DTD1: variants seen among roughly 807,000 people sequenced by gnomAD.
DTD1 encodes D-aminoacyl-tRNA deacylase 1.
In DTD1, 13 loss-of-function variants were observed where a neutral mutation model predicts 25.6. That is an observed-to-expected ratio of 0.51 (90% CI 0.33 to 0.81). DTD1 has a LOEUF of 0.81. DTD1 is among the 30% of genes least tolerant of loss of function. DTD1 has a pLI of 0.02. For synonymous variants in DTD1, 110 were observed against 103.6 expected (o/e 1.06, Z -0.37); for missense variants, 193 against 266.4 (o/e 0.72, Z 1.92).
chr20:18,614,132 C>A (rs1200877642), intron 3 of DTD1, among the ~76,000 whole-genome samples: 1 of 152,178 alleles, frequency 6.6e-6, no homozygotes, highest in East Asian at 1.9e-4. Flanking sequence ...CTCTCTGAGC[C>A]TCTTCTTCTA....
intron 3 of DTD1, among the ~76,000 whole-genome samples, chr20:18,620,994 A>G (rs1337757755): frequency 2.0e-5 from 3 of 152,270 alleles, no homozygotes; most frequent in Admixed American, 2.0e-4. Context: ...TAGTACAGTT[A>G]TCAAAATGAG....
intron 4 of DTD1, among the ~76,000 whole-genome samples, chr20:18,706,036 G>T (rs2061125196): frequency 6.6e-6 from 1 of 152,208 alleles, no homozygotes; most frequent in African/African-American, 2.4e-5. Context: ...TTTTCACTCA[G>T]ATTTGGATAA....
At chr20:18,751,592 A>G (rs977780434) in intron 5 of DTD1, among the ~76,000 whole-genome samples, 8 of 152,018 alleles carry the variant, frequency 5.3e-5, no homozygotes, top group Middle Eastern at 3.4e-3. Flanking sequence ...TCCCAGGTTC[A>G]AGCGATTCTT....
chr20:18,684,486 C>T (rs2061009182), intron 4 of DTD1, among the ~76,000 whole-genome samples: 2 of 152,082 alleles, frequency 1.3e-5, no homozygotes, highest in African/African-American at 2.4e-5. Context: ...GGGGTTTCAT[C>T]GTGTTGGCTA....
intron 4 of DTD1, among the ~76,000 whole-genome samples, chr20:18,700,890 A>G (rs538164489): frequency 6.6e-6 from 1 of 152,200 alleles, no homozygotes; most frequent in Non-Finnish European, 1.5e-5. Context: ...CTGTAAAATT[A>G]CTTTATGTAC....
intron 3 of DTD1, among the ~76,000 whole-genome samples, chr20:18,601,404 C>A (rs986079879): frequency 6.7e-6 from 1 of 150,136 alleles, no homozygotes; most frequent in African/African-American, 2.5e-5. Flanking sequence ...GAGGCTGAGG[C>A]AGGAGTATCG....
chr20:18,733,318 G>A (rs575166724), intron 4 of DTD1, among the ~76,000 whole-genome samples: 4 of 152,360 alleles, frequency 2.6e-5, no homozygotes, highest in South Asian at 2.1e-4. Context: ...TGGCCACAGG[G>A]TGTCCTTAAG....
intron 4 of DTD1, among the ~76,000 whole-genome samples, chr20:18,726,274 G>C (rs555670587): frequency 6.6e-6 from 1 of 152,226 alleles, no homozygotes; most frequent in Admixed American, 6.5e-5. Context: ...TTCAGGCTTC[G>C]TCAAGTGCAT....
chr20:18,652,718 C>T (rs763820296), intron 4 of DTD1, among the ~76,000 whole-genome samples: 7 of 152,158 alleles, frequency 4.6e-5, no homozygotes, highest in Non-Finnish European at 1.0e-4. Flanking sequence ...TCAACTCCAG[C>T]TTGTAGACCT....
intron 4 of DTD1, among the ~76,000 whole-genome samples, chr20:18,662,029 G>A (rs772190978): frequency 2.0e-5 from 3 of 152,124 alleles, no homozygotes; most frequent in Non-Finnish European, 4.4e-5. Flanking sequence ...GTACAAGTCT[G>A]TAGTCCTAGC....
intron 5 of DTD1, among the ~76,000 whole-genome samples, chr20:18,755,333 A>G (rs1457155622): frequency 1.3e-5 from 2 of 152,164 alleles, no homozygotes; most frequent in African/African-American, 4.8e-5. Context: ...GGTTTGTTAC[A>G]TATGTATACA....
At chr20:18,711,357 C>T (rs1232574211) in intron 4 of DTD1, among the ~76,000 whole-genome samples, 1 of 152,162 alleles carries the variant, frequency 6.6e-6, no homozygotes, top group African/African-American at 2.4e-5. Context: ...CTCAGGAAGT[C>T]CTCCAGCCTC....
At chr20:18,740,678 T>C (rs2061274384) in intron 4 of DTD1, among the ~76,000 whole-genome samples, 1 of 152,236 alleles carries the variant, frequency 6.6e-6, no homozygotes, top group Admixed American at 6.5e-5. Flanking sequence ...TTTTTTAAAT[T>C]ATAGTAAAAT....
In DTD1 at chr20:18,653,556, G is replaced by A. The variant is rs570327503; in HGVS notation, c.477+25323G>A. On this transcript the variant is annotated intron_variant, in intron 4 of 5. Coordinates refer to ENST00000377452, the MANE Select transcript of DTD1 (RefSeq NM_080820.6). ...ATTCAAATAATTTTTACTTATTAGT[G>A]GCTTATAATTACTGTGAAAGGTGTA... Among the ~76,000 whole-genome samples, 5 of 152,276 alleles carry A rather than the reference G, an allele frequency of 3.3e-5. No homozygotes were observed. The South Asian group carries it at 1.0e-3, about 32-fold the overall frequency.
chr20:18,748,728 A>G (rs926966962), intron 5 of DTD1, among the ~76,000 whole-genome samples: 3 of 152,168 alleles, frequency 2.0e-5, no homozygotes, highest in African/African-American at 7.2e-5. Flanking sequence ...GGGAATTCTC[A>G]TGGACTCGTA....
chr20:18,763,122 T>C (rs2061369216), intron 5 of DTD1, among the ~76,000 whole-genome samples: 1 of 152,200 alleles, frequency 6.6e-6, no homozygotes. Context: ...CCTTGGTGTC[T>C]TTTGCTCTAA....
chr20:18,608,941 CCTTTT>C (rs1297010895), intron 3 of DTD1, among the ~76,000 whole-genome samples: 1 of 152,066 alleles, frequency 6.6e-6, no homozygotes, highest in African/African-American at 2.4e-5. Context: ...CATATTTTAC[CCTTTT>C]CTTCAAGGTT....
chr20:18,757,768 G>GGAT (rs1367370697), intron 5 of DTD1, among the ~76,000 whole-genome samples: 2 of 152,210 alleles, frequency 1.3e-5, no homozygotes, highest in Non-Finnish European at 2.9e-5. Context: ...TTTGGTATCA[G>GGAT]GATGATGCTG....
intron 4 of DTD1, among the ~76,000 whole-genome samples, chr20:18,686,298 G>T (rs536687489): frequency 6.6e-6 from 1 of 152,188 alleles, no homozygotes; most frequent in South Asian, 2.1e-4. Context: ...GAATGTATCA[G>T]CTTTTAAAAA....
Sources: gnomAD v4.1 joint callset for allele counts (sites outside exome capture counted in the v4.1 genomes callset) on GRCh38, gnomAD v4.1.1 for gene constraint, MANE v1.5 for transcripts, NCBI Gene and HGNC (gene_info 2026-07-23, HGNC 2026-07-21) for gene names.